The following ZNF584 variants were observed in gnomAD, a reference collection of about 807,000 sequenced individuals.
ZNF584 encodes the protein zinc finger protein 584.
Under a neutral mutation model 14.7 loss-of-function variants are expected in ZNF584, and 12 were observed. That is an observed-to-expected ratio of 0.82 (90% confidence interval 0.52 to 1.32). The LOEUF (loss-of-function observed/expected upper bound fraction) is 1.32, where lower values mean the gene tolerates loss of function less well. Among genes scored for constraint, ZNF584 ranks in the 40% most tolerant of loss-of-function variants. The pLI is 0.00. For synonymous variants in ZNF584, 204 were observed against 190.9 expected (o/e 1.07, Z -0.57); for missense variants, 478 against 518.8 (o/e 0.92, Z 0.76).
Position 58,417,451 on chromosome 19 carries a change from TA to T in ZNF584, c.934del (p.Ser312AlafsTer25). 3 of 1,603,012 alleles carry T rather than the reference TA, an allele frequency of 1.9e-6. No individual in the cohort carries two copies. Among genetic ancestry groups the T allele is most frequent in the Non-Finnish European group, 2.6e-6 (3 of 1,171,056 alleles). On this transcript the variant is annotated frameshift_variant, in exon 4 of 4. Transcript: ENST00000306910. LOFTEE classifies it low-confidence loss of function (END_TRUNC). ...ECGKFFKYNN[S>X]FILHQRVHTG... is the part of the protein sequence containing the mutation. The stretch of plus-strand genomic sequence containing the variant: ...GTGGGAAGTTCTTTAAATACAATAA[TA>T]GCTTCATTCTTCACCAGAGAGTTCA...
chr19:58,404,304 G>C (rs1471869918), upstream of ZNF584: 1 of 155,954 alleles, frequency 6.4e-6, no homozygotes, highest in African/African-American at 2.4e-5. Flanking sequence ...AGGGTCACAG[G>C]ACAATAGGGG....
intron 1 of ZNF584, 54 bp downstream of exon 1, chr19:58,409,219 G>C: frequency 7.2e-7 from 1 of 1,389,306 alleles, no homozygotes; most frequent in East Asian, 2.8e-5. Context: ...GGGGGGCGGC[G>C]TGTGCCAGGG....
At chr19:58,413,976 G>A (rs1405728334) in intron 2 of ZNF584, among the ~76,000 whole-genome samples, 2 of 141,826 alleles carry the variant, frequency 1.4e-5, no homozygotes, top group Admixed American at 7.1e-5. Flanking sequence ...CCACCACCAC[G>A]CCTGGCTAAT....
At chr19:58,413,943 C>T (rs138189063) in intron 2 of ZNF584, among the ~76,000 whole-genome samples, 305 of 151,592 alleles carry the variant, frequency 2.0e-3, no homozygotes, top group African/African-American at 6.8e-3. Context: ...CTCAGCCTCC[C>T]GAGTATCTGG....
chr19:58,408,389 G>C (rs1218872339), upstream of ZNF584: 1 of 152,296 alleles, frequency 6.6e-6, no homozygotes, highest in Non-Finnish European at 1.5e-5. Flanking sequence ...AGAACTTCCC[G>C]ATTCTCGCGC....
rs1599956468 is a variant in ZNF584 at position 58,417,910 on chromosome 19, G to A, written c.*126G>A. The A allele has an allele frequency of 2.4e-6, 3 of 1,250,760 alleles. No homozygotes were observed. The highest frequency in any genetic ancestry group is 2.3e-5 in the East Asian group (1 of 42,934). 77.5% of individuals were successfully genotyped at this position (1,250,760 alleles called of 1,614,324 possible). A position where few individuals can be genotyped will look rare whatever the true frequency, so the allele number is the denominator to read the frequency against. ...CCCACCCCAGGGAGAGTTCCCGTGT[G>A]TGCCTGGTGTGTGGGACGCTTTCGG... On this transcript the variant is annotated 3_prime_UTR_variant, in exon 4 of 4. Transcript: ENST00000306910.
chr19:58,416,216 A>C, intron 3 of ZNF584: 1 of 325,686 alleles, frequency 3.1e-6, no homozygotes, highest in Non-Finnish European at 5.7e-6. Context: ...CCCAACCCAG[A>C]CCTTTCCTAG....
At chr19:58,402,874 C>CA (rs1367559352) in intron 1 of ZNF584, among the ~76,000 whole-genome samples, 2 of 148,780 alleles carry the variant, frequency 1.3e-5, no homozygotes, top group African/African-American at 5.0e-5. Flanking sequence ...ATAGACCCCT[C>CA]ACCTAAGAAA....
chr19:58,413,528 G>A (rs1306819739), intron 2 of ZNF584, among the ~76,000 whole-genome samples: 1 of 122,438 alleles, frequency 8.2e-6, no homozygotes, highest in Non-Finnish European at 1.8e-5. Context: ...TTTTTTTTTT[G>A]AGGTGGAGTC....
rs865799982 is a variant in ZNF584, at chr19:58,410,663, A to G, written c.169+572A>G. Among the ~76,000 whole-genome samples the G allele has an allele frequency of 2.7e-3, 39 of 14,666 alleles. 5 individuals carry two copies. Among genetic ancestry groups the G allele is most frequent in the East Asian group, 0.026 (23 of 876 alleles). The allele number at this position is 14,666 out of a possible 152,430, so 9.6% of individuals were successfully genotyped here. On this transcript the variant is annotated intron_variant, in intron 2 of 3. Coordinates refer to ENST00000306910, the MANE Select transcript of ZNF584 (RefSeq NM_173548.3). Reference sequence around the variant, plus strand: ...TATATATGTGTATATATGTGTATATATGTATATATGTGTATATATATGTAT... The same window carrying G: ...TATATATGTGTATATATGTGTATATGTGTATATATGTGTATATATATGTAT...
chr19:58,403,739 G>A (rs77036076), upstream of ZNF584, among the ~76,000 whole-genome samples: 44 of 152,234 alleles, frequency 2.9e-4, 1 homozygote, highest in East Asian at 7.3e-3. Context: ...GGGAGGCTGA[G>A]CGGGGCGGAT....
Position 58,418,014 on chromosome 19 carries a change from A to C in ZNF584, c.*230A>C. The stretch of plus-strand genomic sequence containing the variant: ...AGTTTATCCACCGCCATCCACCTCT[A>C]TCCACCCCATAAGGTCCCTACAGCA... On this transcript the variant is annotated 3_prime_UTR_variant, in exon 4 of 4. Coordinates refer to ENST00000306910, the MANE Select transcript of ZNF584 (RefSeq NM_173548.3). 1.8e-6 allele frequency: 1 copy of C among 564,588 alleles called. No homozygotes were observed. The allele number at this position is 564,588 out of a possible 1,614,324, so 35.0% of individuals were successfully genotyped here.
In ZNF584 at chr19:58,409,112, G is replaced by A. The variant is rs1252535625; in HGVS notation, c.-36G>A. ...CCCGGGACGCGTTTCGGCTGAGGCC[G>A]TGGGTCCAGTCCACGGGTTCTGCCC... is the stretch of plus-strand genomic sequence containing the variant. On this transcript the variant is annotated 5_prime_UTR_variant, in exon 1 of 4. It adds an upstream start codon to the 5' untranslated region. Transcript: ENST00000306910. 2.0e-6 allele frequency: 3 copies of A among 1,472,108 alleles called. No individual in the cohort carries two copies. Among genetic ancestry groups the A allele is most frequent in the South Asian group, 1.3e-5 (1 of 75,952 alleles). 91.2% of individuals were successfully genotyped at this position (1,472,108 alleles called of 1,614,324 possible). A position where few individuals can be genotyped will look rare whatever the true frequency, so the allele number is the denominator to read the frequency against.
intron 2 of ZNF584, among the ~76,000 whole-genome samples, chr19:58,411,748 A>C (rs923782939): frequency 6.7e-6 from 1 of 149,960 alleles, no homozygotes; most frequent in African/African-American, 2.4e-5. Flanking sequence ...GGTTCAAGTG[A>C]TTTTCCTGCC....
At chr19:58,405,416 C>G (rs1180607076), upstream of ZNF584, 3 of 127,928 alleles carry the variant, frequency 2.3e-5, 1 homozygote, top group African/African-American at 9.6e-5. Flanking sequence ...ACCTCCCTCC[C>G]GGACGGGGCG....
chr19:58,415,955 G>C, intron 3 of ZNF584: 2 of 1,594,916 alleles, frequency 1.3e-6, no homozygotes, highest in Non-Finnish European at 1.7e-6. Context: ...TTGAACTTCA[G>C]CCAATCCTTA....
At position 58,409,119 on chromosome 19, in the gene ZNF584, C is replaced by T; in HGVS notation, c.-29C>T. On this transcript the variant is annotated 5_prime_UTR_variant, in exon 1 of 4. Transcript: ENST00000306910. ...CGCGTTTCGGCTGAGGCCGTGGGTCCAGTCCACGGGTTCTGCCCGCACGGT... is the reference window on the plus strand; with the variant it reads ...CGCGTTTCGGCTGAGGCCGTGGGTCTAGTCCACGGGTTCTGCCCGCACGGT... 1 of 1,471,814 alleles carries T rather than the reference C, an allele frequency of 6.8e-7. No individual in the cohort carries two copies. The highest frequency in any genetic ancestry group is 9.1e-7 in the Non-Finnish European group (1 of 1,103,098). 91.2% of individuals were successfully genotyped at this position (1,471,814 alleles called of 1,614,324 possible).
chr19:58,415,333 G>A (rs2052627814), intron 2 of ZNF584, among the ~76,000 whole-genome samples, 191 bp from the exon 3 acceptor site: 2 of 152,130 alleles, frequency 1.3e-5, no homozygotes, highest in African/African-American at 4.8e-5. Context: ...GGGACTACAG[G>A]TGGTGCATGC....
In ZNF584 at chr19:58,416,852, C is replaced by T. The variant is rs148826686; in HGVS notation, c.334C>T (p.His112Tyr). The T allele has an allele frequency of 8.3e-5, 131 of 1,579,888 alleles. No homozygotes were observed. The African/African-American group carries it at 1.3e-3, about 16-fold the overall frequency. The change falls in exon 4 of 4, where the codon CAT becomes TAT. Residue 112 changes from histidine to tyrosine, a missense_variant. By Grantham distance (83) the His-to-Tyr change is moderately conservative. Transcript: ENST00000306910. ...RVEDERAHPE[H>Y]LKSYRVIQHQ... is the part of the protein sequence containing the mutation. ...GGAGGATGAGAGAGCCCATCCTGAG[C>T]ATCTAAAGAGCTACAGAGTCATCCA... is the stretch of plus-strand genomic sequence containing the variant.
Sources: gnomAD v4.1 joint callset for allele counts (sites outside exome capture counted in the v4.1 genomes callset) on GRCh38, gnomAD v4.1.1 for gene constraint, MANE v1.5 for transcripts, NCBI Gene and HGNC (gene_info 2026-07-23, HGNC 2026-07-21) for gene names.